The following ATXN1 variants were observed in gnomAD, a reference collection of about 807,000 sequenced individuals.
ATXN1 encodes the protein ataxin-1.
In ATXN1, 8 loss-of-function variants were observed where a neutral mutation model predicts 56.4. The observed-to-expected ratio is 0.14, with a 90% CI of 0.08 to 0.26. ATXN1 has a LOEUF of 0.26. Ranked by LOEUF, ATXN1 falls within the 10% of genes least tolerant of loss-of-function variation. ATXN1 has a pLI of 1.00. For missense variants in ATXN1, 987 were observed against 1,106.5 expected (o/e 0.89, Z 1.53); for synonymous variants, 514 against 494.6 (o/e 1.04, Z -0.52).
At chr6:16,607,365 T>C (rs1298663282) in intron 3 of ATXN1, among the ~76,000 whole-genome samples, 1 of 152,204 alleles carries the variant, frequency 6.6e-6, no homozygotes, top group Non-Finnish European at 1.5e-5. Context: ...AACCTGGACA[T>C]ATAAGGGAGA....
chr6:16,497,212 G>A (rs1760796827), intron 5 of ATXN1, among the ~76,000 whole-genome samples: 1 of 152,016 alleles, frequency 6.6e-6, no homozygotes, highest in South Asian at 2.1e-4. Flanking sequence ...GCACTCAAGT[G>A]TTGTGTGTGG....
intron 3 of ATXN1, among the ~76,000 whole-genome samples, chr6:16,638,146 TAAGAA>T (rs776209067): frequency 4.6e-5 from 7 of 152,148 alleles, no homozygotes; most frequent in Non-Finnish European, 5.9e-5. Context: ...TTAGGGTCTT[TAAGAA>T]AAGATCTCAA....
intron 7 of ATXN1, among the ~76,000 whole-genome samples, chr6:16,325,744 T>C (rs1444817526): frequency 2.0e-5 from 3 of 152,118 alleles, no homozygotes; most frequent in Non-Finnish European, 2.9e-5. Context: ...GGCCTTATCA[T>C]ACCTAAATAA....
intron 6 of ATXN1, among the ~76,000 whole-genome samples, chr6:16,417,195 C>T (rs1039169430): frequency 6.6e-6 from 1 of 152,036 alleles, no homozygotes. Flanking sequence ...CCATGCTAGG[C>T]TACTTAAAAA....
chr6:16,368,032 T>C (rs1206862189), intron 6 of ATXN1, among the ~76,000 whole-genome samples: 1 of 151,880 alleles, frequency 6.6e-6, no homozygotes, highest in African/African-American at 2.4e-5. Flanking sequence ...TAGCCAGACA[T>C]GTTGGTGCGC....
At chr6:16,693,358 T>C (rs1759089423) in intron 2 of ATXN1, among the ~76,000 whole-genome samples, 1 of 152,166 alleles carries the variant, frequency 6.6e-6, no homozygotes, top group Non-Finnish European at 1.5e-5. Flanking sequence ...GCGGCCTTGC[T>C]TCCTTTCCAG....
intron 6 of ATXN1, among the ~76,000 whole-genome samples, chr6:16,426,217 T>A (rs1759151045): frequency 6.6e-6 from 1 of 152,074 alleles, no homozygotes; most frequent in East Asian, 1.9e-4. Flanking sequence ...AGAAGGAAGT[T>A]GATTCTGTCA....
At chr6:16,597,713 T>C (rs1439445332) in intron 3 of ATXN1, among the ~76,000 whole-genome samples, 1 of 135,028 alleles carries the variant, frequency 7.4e-6, no homozygotes, top group African/African-American at 3.9e-5. Context: ...GTGCTGGGAT[T>C]TGCAGGCGTG....
At chr6:16,539,030 A>T (rs1355028438) in intron 4 of ATXN1, among the ~76,000 whole-genome samples, 2 of 151,996 alleles carry the variant, frequency 1.3e-5, no homozygotes, top group Admixed American at 1.3e-4. Flanking sequence ...ACTTACCCCC[A>T]CTATCCTTCA....
intron 6 of ATXN1, among the ~76,000 whole-genome samples, chr6:16,351,802 A>C (rs911352853): frequency 6.6e-6 from 1 of 152,208 alleles, no homozygotes; most frequent in African/African-American, 2.4e-5. Context: ...GCCTGTCAGC[A>C]TCCCCTGATT....
chr6:16,456,072 G>T (rs1410335626), intron 6 of ATXN1, among the ~76,000 whole-genome samples: 1 of 152,172 alleles, frequency 6.6e-6, no homozygotes, highest in Non-Finnish European at 1.5e-5. Context: ...ACCCATTTGG[G>T]TCCCCTTCCA....
chr6:16,522,479 A>G (rs1761311767), intron 5 of ATXN1, 148 bp downstream of exon 5: 1 of 152,120 alleles, frequency 6.6e-6, no homozygotes. Flanking sequence ...TGATGAGGAG[A>G]GTCAAAGAAT....
intron 5 of ATXN1, among the ~76,000 whole-genome samples, chr6:16,518,706 C>A (rs897601589): frequency 6.6e-6 from 1 of 152,190 alleles, no homozygotes; most frequent in Non-Finnish European, 1.5e-5. Context: ...TCTATCAAAC[C>A]TAATCTATCT....
rs999514183 is a variant in ATXN1 at position 16,711,526 on chromosome 6, TCATATATATACA to T, written c.-615+41695_-615+41706del. Reference sequence around the variant, plus strand: ...CTTAAATCCAGACTATATAAAGAACTCATATATATACACATATATATACACATATATATATAC... The same window carrying T: ...CTTAAATCCAGACTATATAAAGAACTCATATATATACACATATATATATAC... On this transcript the variant is annotated intron_variant, in intron 2 of 7. Transcript: ENST00000436367. Among the ~76,000 whole-genome samples, 78 of 151,588 alleles carry T rather than the reference TCATATATATACA, an allele frequency of 5.1e-4. 1 individual carries two copies. The highest frequency in any genetic ancestry group is 3.4e-3 in the Middle Eastern group (1 of 292).
intron 6 of ATXN1, among the ~76,000 whole-genome samples, chr6:16,358,539 G>A (rs972278708): frequency 1.3e-5 from 2 of 152,242 alleles, no homozygotes; most frequent in Non-Finnish European, 2.9e-5. Context: ...TCTAAGTGAA[G>A]TAACTCAGGA....
intron 4 of ATXN1, among the ~76,000 whole-genome samples, chr6:16,554,982 T>C (rs1018937799): frequency 6.6e-6 from 1 of 152,160 alleles, no homozygotes; most frequent in African/African-American, 2.4e-5. Flanking sequence ...GGCTCATCTG[T>C]CCTGTCTCAA....
intron 3 of ATXN1, among the ~76,000 whole-genome samples, chr6:16,648,223 G>C (rs1277408486): frequency 6.6e-6 from 1 of 152,050 alleles, no homozygotes; most frequent in Non-Finnish European, 1.5e-5. Flanking sequence ...TTCCTTTCCT[G>C]CTACAGCCAA....
At chr6:16,478,498 T>C (rs545974231) in intron 6 of ATXN1, among the ~76,000 whole-genome samples, 151 of 152,298 alleles carry the variant, frequency 9.9e-4, no homozygotes, top group Non-Finnish European at 1.9e-3. Flanking sequence ...TTCTGAACAA[T>C]AGCGTTCTAC....
At chr6:16,622,240 G>C (rs1763331413) in intron 3 of ATXN1, among the ~76,000 whole-genome samples, 1 of 152,212 alleles carries the variant, frequency 6.6e-6, no homozygotes, top group South Asian at 2.1e-4. Context: ...AAAAACTGAT[G>C]AGGGTGTTAT....
Sources: allele counts gnomAD v4.1 joint callset (sites outside exome capture counted in the v4.1 genomes callset), GRCh38; gene constraint gnomAD v4.1.1; transcripts MANE v1.5; gene names NCBI Gene and HGNC (gene_info 2026-07-23, HGNC 2026-07-21).